Variants in CNGA3 observed in about 807,000 individuals in gnomAD.
CNGA3 encodes the protein cyclic nucleotide-gated channel alpha-3.
Under a neutral mutation model 46.6 loss-of-function variants are expected in CNGA3, and 42 were observed. The ratio of observed to expected loss-of-function variants is 0.90; its 90% CI spans 0.70 to 1.17. CNGA3 has a LOEUF of 1.17. Ranked by LOEUF, CNGA3 falls within the 50% of genes most tolerant of loss-of-function variation. CNGA3 has a pLI of 0.00. For synonymous variants in CNGA3, 394 were observed against 369.4 expected (o/e 1.07, Z -0.76); for missense variants, 893 against 890.7 (o/e 1.00, Z -0.03).
At chr2:98,393,149 T>G (rs1374065724) in intron 7 of CNGA3, among the ~76,000 whole-genome samples, 1 of 151,762 alleles carries the variant, frequency 6.6e-6, no homozygotes, top group East Asian at 1.9e-4. Context: ...CTCAGGAGGC[T>G]GAGGTGAGAG....
rs778000601 is a variant in CNGA3, at chr2:98,396,690, A to T, written c.1520A>T (p.Asp507Val). 5.0e-6 allele frequency: 8 copies of T among 1,613,978 alleles called. No homozygotes were observed. The change falls in exon 8 of 8, where the codon GAT becomes GTT. Residue 507 changes from aspartate (D) to valine (V), a missense_variant. This residue lies in a region of CNGA3 where 548 missense variants were observed against 570.8 expected (regional missense o/e 0.96). Coordinates refer to ENST00000272602, the MANE Select transcript of CNGA3 (RefSeq NM_001298.3). ...CGACCCACTGTGTTCAGCCCTGGGG[A>T]TTATATCTGCAAGAAGGGAGATATT... ...KLRPTVFSPG[D>V]YICKKGDIGK... is the part of the protein sequence containing the mutation.
chr2:98,354,642 A>G (rs1691839573), intron 1 of CNGA3, among the ~76,000 whole-genome samples: 1 of 152,148 alleles, frequency 6.6e-6, no homozygotes, highest in African/African-American at 2.4e-5. Flanking sequence ...AAATATAGCT[A>G]GGCATGGTGG....
rs1249885011 is a variant in CNGA3 at position 98,397,074 on chromosome 2, C to T, written c.1904C>T (p.Ser635Phe). 1 of 1,614,000 alleles carries T rather than the reference C, an allele frequency of 6.2e-7. No homozygotes were observed. The highest frequency in any genetic ancestry group is 1.3e-5 in the African/African-American group (1 of 74,934). ...GAGGAGAAAGTGGAGCAGCTGGGGT[C>T]CTCCCTGGACACCCTGCAGACCAGG... ...DLEEKVEQLG[S>F]SLDTLQTRFA... Residue 635 changes from serine (S) to phenylalanine (F), a missense_variant, in exon 8 of 8, where the codon TCC becomes TTC. By Grantham distance (155) the Ser-to-Phe change is radical. Coordinates refer to ENST00000272602, the MANE Select transcript of CNGA3 (RefSeq NM_001298.3).
intron 2 of CNGA3, among the ~76,000 whole-genome samples, chr2:98,374,852 A>C (rs771084839): frequency 5.9e-5 from 9 of 152,242 alleles, no homozygotes; most frequent in Non-Finnish European, 1.2e-4. Flanking sequence ...AGGCCCCTGG[A>C]ACTTGCATCA....
intron 6 of CNGA3, among the ~76,000 whole-genome samples, chr2:98,390,767 T>G (rs1453890958): frequency 6.6e-6 from 1 of 152,052 alleles, no homozygotes; most frequent in Non-Finnish European, 1.5e-5. Flanking sequence ...TTGGGGGCCC[T>G]TCCCAGCAGG....
At position 98,368,865 on chromosome 2, in the gene CNGA3, G is replaced by A. The variant is rs529713911; in HGVS notation, c.-37-1074G>A. Among the ~76,000 whole-genome samples, 4 of 152,300 alleles carry A rather than the reference G, an allele frequency of 2.6e-5. No homozygotes were observed. In the South Asian group the frequency reaches 8.3e-4, roughly 32 times the overall value. On this transcript the variant is annotated intron_variant, in intron 1 of 7. Transcript: ENST00000272602. ...TCTTATGCTGAGTCAGTTACTGGGT[G>A]GAGGCCACAGAACTGGTTGGTAGGT...
intron 2 of CNGA3, among the ~76,000 whole-genome samples, chr2:98,371,237 T>C (rs1692279701): frequency 6.6e-6 from 1 of 152,198 alleles, no homozygotes; most frequent in Non-Finnish European, 1.5e-5. Flanking sequence ...CTCCCCACTA[T>C]GCAGCTTAAA....
intron 1 of CNGA3, among the ~76,000 whole-genome samples, chr2:98,367,252 T>G (rs1237999311): frequency 6.8e-6 from 1 of 146,620 alleles, no homozygotes; most frequent in Non-Finnish European, 1.5e-5. Flanking sequence ...AGGAGTGCAG[T>G]GGCGCGATCT....
At chr2:98,393,530 C>A (rs1692839406) in intron 7 of CNGA3, among the ~76,000 whole-genome samples, 1 of 152,222 alleles carries the variant, frequency 6.6e-6, no homozygotes, top group Non-Finnish European at 1.5e-5. Context: ...ACTTAGAAGA[C>A]CTCAGATACA....
intron 6 of CNGA3, among the ~76,000 whole-genome samples, chr2:98,391,597 G>A (rs1431171210): frequency 6.6e-6 from 1 of 152,180 alleles, no homozygotes; most frequent in Admixed American, 6.5e-5. Context: ...CTGGGATCTT[G>A]TAGCTCTCTG....
chr2:98,374,128 G>A (rs1692352182), intron 2 of CNGA3, among the ~76,000 whole-genome samples: 1 of 152,168 alleles, frequency 6.6e-6, no homozygotes, highest in Non-Finnish European at 1.5e-5. Flanking sequence ...TATCTTGCTG[G>A]AAAACATCAG....
intron 1 of CNGA3, among the ~76,000 whole-genome samples, chr2:98,366,672 C>T (rs1692159436): frequency 6.6e-6 from 1 of 152,364 alleles, no homozygotes; most frequent in South Asian, 2.1e-4. Context: ...CCACGATCTG[C>T]CACAGCCGCT....
In CNGA3 at chr2:98,391,772, G is replaced by T. The variant is rs947788175; in HGVS notation, c.567-92G>T. ...GGCCATTCCCATATTACATGATCCA[G>T]CGTCTTCCACACAGAGCCCGTGCCC... On this transcript the variant is annotated intron_variant, in intron 6 of 7. Transcript: ENST00000272602. 1.2e-5 allele frequency: 14 copies of T among 1,189,162 alleles called. No individual in the cohort carries two copies. In the African/African-American group the frequency reaches 1.6e-4, roughly 14 times the overall value. The allele number at this position is 1,189,162 out of a possible 1,614,324, so 73.7% of individuals were successfully genotyped here.
intron 4 of CNGA3, among the ~76,000 whole-genome samples, chr2:98,381,925 C>A (rs921364289): frequency 1.3e-5 from 2 of 152,140 alleles, no homozygotes; most frequent in African/African-American, 4.8e-5. Context: ...TCTCAGCAAG[C>A]CAGCCAGACT....
chr2:98,351,982 G>C (rs912005665), intron 1 of CNGA3, among the ~76,000 whole-genome samples: 1 of 152,084 alleles, frequency 6.6e-6, no homozygotes, highest in Non-Finnish European at 1.5e-5. Flanking sequence ...TGTCAAAAGG[G>C]ACCCCGTATC....
intron 2 of CNGA3, among the ~76,000 whole-genome samples, chr2:98,371,045 G>C (rs951461893): frequency 6.6e-6 from 1 of 152,058 alleles, no homozygotes; most frequent in Non-Finnish European, 1.5e-5. Context: ...TGTTGGTCTC[G>C]AACTCCTGAC....
rs143802477 is a variant in CNGA3 at position 98,386,755 on chromosome 2, C to T, written c.450-2903C>T. Among the ~76,000 whole-genome samples, 799 of 152,260 alleles carry T rather than the reference C, an allele frequency of 5.2e-3. 7 individuals are homozygous for T. The highest frequency in any genetic ancestry group is 7.2e-3 in the Non-Finnish European group (492 of 68,014). On this transcript the variant is annotated intron_variant, in intron 5 of 7. Coordinates refer to ENST00000272602, the MANE Select transcript of CNGA3 (RefSeq NM_001298.3). Reference sequence around the variant, plus strand: ...AGAGAGTCACAGTGTGAGGGGGACTCGACCCATCACTGCTGGCTTTGAAGA... The same window carrying T: ...AGAGAGTCACAGTGTGAGGGGGACTTGACCCATCACTGCTGGCTTTGAAGA...
Position 98,369,967 on chromosome 2 carries a change from A to G in CNGA3, c.-9A>G. ...TCATCTGGGGGGCTAAATGTGACAA[A>G]CCGAGAAGATGGCCAAGATCAACAC... On this transcript the variant is annotated 5_prime_UTR_variant, in exon 2 of 8. Transcript: ENST00000272602. 6.2e-7 allele frequency: 1 copy of G among 1,611,498 alleles called. No individual in the cohort carries two copies. Among genetic ancestry groups the G allele is most frequent in the Non-Finnish European group, 8.5e-7 (1 of 1,178,214 alleles).
intron 1 of CNGA3, among the ~76,000 whole-genome samples, chr2:98,354,643 G>A (rs952878613): frequency 1.3e-5 from 2 of 152,136 alleles, no homozygotes; most frequent in Non-Finnish European, 2.9e-5. Context: ...AATATAGCTA[G>A]GCATGGTGGT....
Sources: allele counts gnomAD v4.1 joint callset (sites outside exome capture counted in the v4.1 genomes callset), GRCh38; gene constraint gnomAD v4.1.1; regional missense constraint gnomAD v4.1.1; transcripts MANE v1.5; gene names NCBI Gene and HGNC (gene_info 2026-07-23, HGNC 2026-07-21).